Variants in ALPK1 observed in about 807,000 individuals in gnomAD.
ALPK1 encodes alpha kinase 1.
In ALPK1, 110 loss-of-function variants were observed where a neutral mutation model predicts 120.6. That is an observed-to-expected ratio of 0.91 (90% CI 0.78 to 1.07). ALPK1 has a LOEUF of 1.07. ALPK1 is among the 50% of genes least tolerant of loss of function. The pLI is 0.00. For synonymous variants in ALPK1, 582 were observed against 560.3 expected (o/e 1.04, Z -0.55); for missense variants, 1,498 against 1,483.9 (o/e 1.01, Z -0.16).
intron 1 of ALPK1, among the ~76,000 whole-genome samples, chr4:112,312,958 A>G (rs919383176): frequency 6.6e-6 from 1 of 152,150 alleles, no homozygotes; most frequent in Admixed American, 6.5e-5. Flanking sequence ...GGTAACCCCA[A>G]CTGCTCCTAT....
chr4:112,395,662 C>A (rs1480687981), intron 4 of ALPK1, among the ~76,000 whole-genome samples: 2 of 152,124 alleles, frequency 1.3e-5, no homozygotes, highest in Non-Finnish European at 2.9e-5. Context: ...GCATGAGAAA[C>A]TTTTTGTTCA....
In ALPK1 at chr4:112,431,924, G is replaced by A; in HGVS notation, c.2377G>A (p.Glu793Lys). Reference protein sequence around the residue: ...SWVDPEGETAESTEDAPLDFH... With the variant: ...SWVDPEGETAKSTEDAPLDFH... ...GGTTGACCCAGAAGGAGAAACAGCA[G>A]AAAGCACTGAAGATGCACCCTTAGA... The change falls in exon 11 of 16, where the codon GAA becomes AAA. Residue 793 changes from glutamate (E) to lysine (K), a missense_variant. By Grantham distance (56) the Glu-to-Lys change is moderately conservative. Transcript: ENST00000650871. 1.2e-6 allele frequency: 2 copies of A among 1,614,068 alleles called. No homozygotes were observed. Among genetic ancestry groups the A allele is most frequent in the Non-Finnish European group, 1.7e-6 (2 of 1,180,042 alleles).
chr4:112,419,679 A>C (rs1733903636), intron 5 of ALPK1, among the ~76,000 whole-genome samples: 2 of 152,228 alleles, frequency 1.3e-5, no homozygotes, highest in Admixed American at 1.3e-4. Context: ...AATGTGAGGA[A>C]AGAAAATTGT....
intron 2 of ALPK1, chr4:112,357,427 G>A (rs879569349): frequency 2.3e-5 from 16 of 697,056 alleles, no homozygotes; most frequent in Non-Finnish European, 3.6e-5. Flanking sequence ...GGGTGGTTCA[G>A]CCATCTGATG....
chr4:112,344,882 G>C (rs1404674627), intron 2 of ALPK1, among the ~76,000 whole-genome samples: 1 of 152,188 alleles, frequency 6.6e-6, no homozygotes, highest in Non-Finnish European at 1.5e-5. Flanking sequence ...GGTGGTACCT[G>C]TGACAGCAAA....
Position 112,430,828 on chromosome 4 carries a change from A to G in ALPK1, c.1281A>G (p.Val427=), listed in dbSNP as rs1290999137. ...TACAAGTTCAAAGCTTCTCAAATGTAGATGACAGATCTTATGTTCCCGAGA... is the reference window on the plus strand; with the variant it reads ...TACAAGTTCAAAGCTTCTCAAATGTGGATGACAGATCTTATGTTCCCGAGA... ...EHLQVQSFSN[V]DDRSYVPESF... Residue 427 remains valine (V), a synonymous_variant, in exon 11 of 16, where the codon GTA becomes GTG. Transcript: ENST00000650871. 5 of 1,614,128 alleles carry G rather than the reference A, an allele frequency of 3.1e-6. No homozygotes were observed. The East Asian group carries it at 8.9e-5, about 29-fold the overall frequency.
At chr4:112,320,774 C>T (rs10018881) in intron 2 of ALPK1, among the ~76,000 whole-genome samples, 69,241 of 151,860 alleles carry the variant, frequency 0.46, 18,062 homozygotes, top group African/African-American at 0.69. Flanking sequence ...AGGAGGGTTG[C>T]ATACTTCCAG....
chr4:112,344,389 C>T (rs1730014817), intron 2 of ALPK1, among the ~76,000 whole-genome samples: 1 of 152,180 alleles, frequency 6.6e-6, no homozygotes, highest in Non-Finnish European at 1.5e-5. Context: ...TTGAATTAGA[C>T]TTCTGACTTT....
chr4:112,298,510 A>G (rs1727642105), intron 1 of ALPK1, among the ~76,000 whole-genome samples: 1 of 152,174 alleles, frequency 6.6e-6, no homozygotes, highest in Non-Finnish European at 1.5e-5. Flanking sequence ...TATTTTAGAA[A>G]TAACTTATTC....
At chr4:112,357,397 T>A in intron 2 of ALPK1, 1 of 692,102 alleles carries the variant, frequency 1.4e-6, no homozygotes, top group Non-Finnish European at 2.6e-6. Context: ...TGCACATCCA[T>A]CCTGATGCCA....
Position 112,387,401 on chromosome 4 carries a change from G to A in ALPK1, c.276+4849G>A, listed in dbSNP as rs556646143. On this transcript the variant is annotated intron_variant, in intron 4 of 15. Transcript: ENST00000650871. Reference sequence around the variant, plus strand: ...CCTGCACAGGTTTGGGGGTCCTGATGCTGGAGGGAGACTGGCTTATTTCTG... The same window carrying A: ...CCTGCACAGGTTTGGGGGTCCTGATACTGGAGGGAGACTGGCTTATTTCTG... 3.3e-5 allele frequency among the ~76,000 whole-genome samples: 5 copies of A among 152,356 alleles called. No individual in the cohort carries two copies. In the South Asian group the frequency reaches 1.0e-3, roughly 32 times the overall value.
intron 4 of ALPK1, among the ~76,000 whole-genome samples, chr4:112,408,742 G>T (rs1733312754): frequency 6.6e-6 from 1 of 152,058 alleles, no homozygotes; most frequent in South Asian, 2.1e-4. Context: ...CCAAAGTGCT[G>T]GGATTACAGG....
intron 3 of ALPK1, among the ~76,000 whole-genome samples, chr4:112,378,776 G>A (rs528952405): frequency 9.3e-4 from 141 of 152,178 alleles, no homozygotes; most frequent in Non-Finnish European, 1.1e-3. Context: ...ATGGGAAAAT[G>A]TTCTGGGAGA....
intron 2 of ALPK1, among the ~76,000 whole-genome samples, chr4:112,346,614 C>T (rs1040539864): frequency 2.6e-5 from 4 of 152,168 alleles, no homozygotes; most frequent in African/African-American, 9.7e-5. Context: ...TGATGCCAAC[C>T]AGTCATTTGG....
chr4:112,394,607 C>T (rs1008287387), intron 4 of ALPK1, among the ~76,000 whole-genome samples: 1 of 152,144 alleles, frequency 6.6e-6, no homozygotes, highest in Non-Finnish European at 1.5e-5. Flanking sequence ...AAAAACTGCC[C>T]TTTTAATATA....
intron 5 of ALPK1, among the ~76,000 whole-genome samples, chr4:112,418,213 G>C (rs113675692): frequency 6.6e-6 from 1 of 152,180 alleles, no homozygotes; most frequent in Non-Finnish European, 1.5e-5. Flanking sequence ...GGCTCGCCGC[G>C]TGGCAGAGAA....
At chr4:112,329,488 C>T (rs1729265749) in intron 2 of ALPK1, among the ~76,000 whole-genome samples, 1 of 152,170 alleles carries the variant, frequency 6.6e-6, no homozygotes, top group South Asian at 2.1e-4. Context: ...CAAAGAAAGC[C>T]CTTGGCTCTC....
At chr4:112,342,369 G>C (rs1327071178) in intron 2 of ALPK1, among the ~76,000 whole-genome samples, 1 of 152,160 alleles carries the variant, frequency 6.6e-6, no homozygotes, top group African/African-American at 2.4e-5. Context: ...CTGCAATTAG[G>C]AAAAGGAGGT....
chr4:112,382,682 T>C, intron 4 of ALPK1, 130 bp downstream of exon 4: 1 of 1,295,126 alleles, frequency 7.7e-7, no homozygotes. Flanking sequence ...CTCTGCCAGA[T>C]TGACTAATGT....
Sources: gnomAD v4.1 joint callset for allele counts (sites outside exome capture counted in the v4.1 genomes callset) on GRCh38, gnomAD v4.1.1 for gene constraint, MANE v1.5 for transcripts, NCBI Gene and HGNC (gene_info 2026-07-23, HGNC 2026-07-21) for gene names.